Variants in THUMPD3 observed in about 807,000 individuals in gnomAD.
THUMPD3 encodes the protein tRNA (guanine(6)-N(2))-methyltransferase THUMP3.
THUMPD3 carries 44 observed loss-of-function variants against 54.5 expected under a neutral mutation model. The ratio of observed to expected loss-of-function variants is 0.81; its 90% CI spans 0.63 to 1.04. THUMPD3 has a LOEUF of 1.04. THUMPD3 is among the 50% of genes least tolerant of loss of function. THUMPD3 has a pLI of 0.00. For synonymous variants in THUMPD3, 196 were observed against 201.4 expected (o/e 0.97, Z 0.23); for missense variants, 604 against 601.3 (o/e 1.00, Z -0.05).
chr3:9,364,605 C>T (rs977878366), intron 1 of THUMPD3, among the ~76,000 whole-genome samples: 2 of 152,186 alleles, frequency 1.3e-5, no homozygotes, highest in African/African-American at 4.8e-5. Flanking sequence ...CCTCGGCCTC[C>T]CAAAGTGCTG....
intron 2 of THUMPD3, among the ~76,000 whole-genome samples, chr3:9,366,690 TTC>T (rs1268640286): frequency 2.6e-5 from 4 of 152,238 alleles, no homozygotes; most frequent in Non-Finnish European, 5.9e-5. Context: ...CACTTCATGC[TTC>T]TCTCTTTCCA....
intron 1 of THUMPD3, chr3:9,364,111 G>T (rs1287281670): frequency 6.6e-6 from 1 of 151,518 alleles, no homozygotes; most frequent in African/African-American, 2.4e-5. Context: ...GAGGGAAGAA[G>T]ATAGATAGCC....
intron 5 of THUMPD3, among the ~76,000 whole-genome samples, chr3:9,374,881 C>G (rs2032339733): frequency 6.6e-6 from 1 of 152,074 alleles, no homozygotes; most frequent in Non-Finnish European, 1.5e-5. Flanking sequence ...TTTTTTGAGA[C>G]AAAGTCTCAC....
In THUMPD3 at chr3:9,385,677, T is replaced by G. The variant is rs1320547478; in HGVS notation, c.*989T>G. The stretch of plus-strand genomic sequence containing the variant: ...TGGGGTGTGGGACCAACAAACCAAA[T>G]TAAAAGAAATTGTTTTTCTTTCAGT... On this transcript the variant is annotated 3_prime_UTR_variant, in exon 10 of 10. Coordinates refer to ENST00000452837, the MANE Select transcript of THUMPD3 (RefSeq NM_001114092.2). 1 of 152,194 alleles carries G rather than the reference T, an allele frequency of 6.6e-6. No individual in the cohort carries two copies. The highest frequency in any genetic ancestry group is 1.5e-5 in the Non-Finnish European group (1 of 68,018). 9.4% of individuals were successfully genotyped at this position (152,194 alleles called of 1,614,324 possible).
In THUMPD3 at chr3:9,380,635, T is replaced by C; in HGVS notation, c.1124+17T>C. ...TAAAGAAGGGTAAAAATTTAAAAGATTTCTTAGCATCTTTTAGAGTTAGAG... is the reference window on the plus strand; with the variant it reads ...TAAAGAAGGGTAAAAATTTAAAAGACTTCTTAGCATCTTTTAGAGTTAGAG... On this transcript the variant is annotated intron_variant, in intron 7 of 9. Coordinates refer to ENST00000452837, the MANE Select transcript of THUMPD3 (RefSeq NM_001114092.2). The C allele has an allele frequency of 1.3e-6, 2 of 1,547,042 alleles. No homozygotes were observed. The highest frequency in any genetic ancestry group is 1.7e-5 in the Admixed American group (1 of 59,346).
chr3:9,384,425 T>TTCTC (rs1423886790), intron 9 of THUMPD3, 90 bp downstream of exon 9: 3 of 1,597,132 alleles, frequency 1.9e-6, no homozygotes, highest in Non-Finnish European at 1.7e-6. Flanking sequence ...AAGATTTGTT[T>TTCTC]TCTCTTCCCC....
In THUMPD3 at chr3:9,385,890, CCTT is replaced by C. The variant is rs1238755517; in HGVS notation, c.*1206_*1208del. ...AATTGCTTTTCCAGTTGCAACAAGT[CCTT>C]CTTGAGAGTTTTGTGGAAAATGGTG... On this transcript the variant is annotated 3_prime_UTR_variant, in exon 10 of 10. Transcript: ENST00000452837. 1 of 152,268 alleles carries C rather than the reference CCTT, an allele frequency of 6.6e-6. No individual in the cohort carries two copies. Among genetic ancestry groups the C allele is most frequent in the African/African-American group, 2.4e-5 (1 of 41,552 alleles). 9.4% of individuals were successfully genotyped at this position (152,268 alleles called of 1,614,324 possible).
At chr3:9,371,600 C>G (rs1466747434) in intron 4 of THUMPD3, 64 bp downstream of exon 4, 4 of 1,352,700 alleles carry the variant, frequency 3.0e-6, no homozygotes, top group Admixed American at 1.9e-5. Flanking sequence ...AATTTCCAGA[C>G]TAACCCAATG....
At chr3:9,366,849 T>C in intron 2 of THUMPD3, 59 bp from the exon 3 acceptor site, 1 of 1,345,100 alleles carries the variant, frequency 7.4e-7, no homozygotes, top group Non-Finnish European at 1.0e-6. Flanking sequence ...ACTTAATTGT[T>C]GATAGCTTGT....
rs763789982 is a variant in THUMPD3 at position 9,384,614 on chromosome 3, C to T, written c.1450C>T (p.Arg484Cys). The change falls in exon 10 of 10, where the codon CGT becomes TGT. Residue 484 changes from arginine to cysteine, a missense_variant. Physicochemically the swap from Arg to Cys is radical, Grantham distance 180. Transcript: ENST00000452837. ...GLRAAVYVLI[R>C]TPQAFVHPSE... ...TCGTGCTGCAGTTTACGTTCTGATA[C>T]GTACACCTCAAGCTTTTGTTCATCC... is the stretch of plus-strand genomic sequence containing the variant. 57 of 1,613,994 alleles carry T rather than the reference C, an allele frequency of 3.5e-5. No homozygotes were observed. The highest frequency in any genetic ancestry group is 4.5e-5 in the Non-Finnish European group (53 of 1,180,042).
rs1174651205 is a variant in THUMPD3, at chr3:9,365,421, C to T, written c.252+101C>T. ...CTGGAATCCTTTCTGATTTTCATTG[C>T]TCTGCCCCAAATCAGGTGATTTTAA... On this transcript the variant is annotated intron_variant, in intron 2 of 9. Transcript: ENST00000452837. 4 of 1,395,774 alleles carry T rather than the reference C, an allele frequency of 2.9e-6. No individual in the cohort carries two copies. The African/African-American group carries it at 5.8e-5, about 20-fold the overall frequency. The allele number at this position is 1,395,774 out of a possible 1,614,324, so 86.5% of individuals were successfully genotyped here. A position where few individuals can be genotyped will look rare whatever the true frequency, so the allele number is the denominator to read the frequency against.
chr3:9,381,250 T>C (rs2032866941), intron 7 of THUMPD3, among the ~76,000 whole-genome samples: 1 of 152,244 alleles, frequency 6.6e-6, no homozygotes, highest in Non-Finnish European at 1.5e-5. Flanking sequence ...TTAAAGTCAC[T>C]ACATAAATTC....
chr3:9,376,040 A>C (rs1474758748), intron 5 of THUMPD3, among the ~76,000 whole-genome samples: 4 of 152,216 alleles, frequency 2.6e-5, no homozygotes, highest in African/African-American at 9.6e-5. Context: ...GATAAAGGAA[A>C]ATCTTCTAGT....
At chr3:9,363,381 C>G (rs2031064533) in intron 1 of THUMPD3, 1 of 152,204 alleles carries the variant, frequency 6.6e-6, no homozygotes, top group Non-Finnish European at 1.5e-5. Flanking sequence ...TGACCTTGTG[C>G]GGAACGCGTC....
intron 2 of THUMPD3, among the ~76,000 whole-genome samples, chr3:9,365,738 C>T (rs1029831292): frequency 6.6e-6 from 1 of 152,042 alleles, no homozygotes; most frequent in Non-Finnish European, 1.5e-5. Flanking sequence ...ACTACAGGCG[C>T]CCGCCACCGC....
At chr3:9,380,357 G>A (rs113561676) in intron 6 of THUMPD3, 146 bp from the exon 7 acceptor site, 4 of 592,822 alleles carry the variant, frequency 6.7e-6, no homozygotes, top group African/African-American at 3.8e-5. Context: ...GAATAAGAGG[G>A]CATTTTCAGC....
rs1168231055 is a variant in THUMPD3 at position 9,366,955 on chromosome 3, G to GT, written c.303dup (p.Gln102SerfsTer17). ...ATAACTTATTTGTGGTGGTTCAGGA[G>GT]TTTCAAGATTACCAGTTCAAACAAA... On this transcript the variant is annotated frameshift_variant, in exon 3 of 10. Transcript: ENST00000452837. LOFTEE classifies it high-confidence loss of function. 1 of 1,613,400 alleles carries GT rather than the reference G, an allele frequency of 6.2e-7. No homozygotes were observed. The highest frequency in any genetic ancestry group is 1.3e-5 in the African/African-American group (1 of 74,868).
At chr3:9,381,940 C>T (rs866771469) in intron 7 of THUMPD3, among the ~76,000 whole-genome samples, 9 of 151,018 alleles carry the variant, frequency 6.0e-5, no homozygotes, top group South Asian at 2.1e-4. Flanking sequence ...CCACCATGCC[C>T]GGCTTATTTT....
rs770197009 is a variant in THUMPD3 at position 9,366,900 on chromosome 3, TC to T, written c.253-7del. ...TCTCAGAAATGTGTTTCTTTTTTTT[TC>T]ACCCAGGTTCATTGTCTGAGATCAG... On this transcript the variant is annotated splice_region_variant and splice_polypyrimidine_tract_variant and intron_variant, in intron 2 of 9. Transcript: ENST00000452837. 1.2e-6 allele frequency: 2 copies of T among 1,602,010 alleles called. No individual in the cohort carries two copies. Among genetic ancestry groups the T allele is most frequent in the Non-Finnish European group, 1.7e-6 (2 of 1,176,452 alleles).
Sources: allele counts gnomAD v4.1 joint callset (sites outside exome capture counted in the v4.1 genomes callset), GRCh38; gene constraint gnomAD v4.1.1; transcripts MANE v1.5; gene names NCBI Gene and HGNC (gene_info 2026-07-23, HGNC 2026-07-21).